CNOT2: variants seen among roughly 807,000 people sequenced by gnomAD.
The protein encoded by CNOT2 is CCR4-NOT transcription complex subunit 2, also known as CC chemokine receptor 4-negative regulator of transcription 2.
A neutral mutation model predicts 72.1 loss-of-function variants in CNOT2; 7 were observed. The ratio of observed to expected loss-of-function variants is 0.10; its 90% CI spans 0.06 to 0.18. The LOEUF (loss-of-function observed/expected upper bound fraction) is 0.18, where lower values mean the gene tolerates loss of function less well. Among genes scored for constraint, CNOT2 ranks in the 10% least tolerant of loss-of-function variants. The pLI is 1.00. For synonymous variants in CNOT2, 196 were observed against 225.6 expected, an observed-to-expected ratio of 0.87 and a Z score of 1.17; for missense variants, 345 against 660.3, an observed-to-expected ratio of 0.52 and a Z score of 5.23.
At chr12:70,278,545 T>C (rs1869258561) in intron 2 of CNOT2, 1 of 352,944 alleles carries the variant, frequency 2.8e-6, no homozygotes, top group South Asian at 5.5e-5. Context: ...ATACAAGTTA[T>C]GACTTCATGA....
At position 70,329,616 on chromosome 12, in the gene CNOT2, G is replaced by T. The variant is rs756710697; in HGVS notation, c.386+46G>T. ...ATATTTTTCAAAATGTATCTTGGTAGAGTAAACAAACTTTTAGTTTTTTAA... is the reference window on the plus strand; with the variant it reads ...ATATTTTTCAAAATGTATCTTGGTATAGTAAACAAACTTTTAGTTTTTTAA... On this transcript the variant is annotated intron_variant, in intron 5 of 15. Transcript: ENST00000229195. 11 of 1,424,962 alleles carry T rather than the reference G, an allele frequency of 7.7e-6. No individual in the cohort carries two copies. The African/African-American group carries it at 1.3e-4, about 16-fold the overall frequency. 88.3% of individuals were successfully genotyped at this position (1,424,962 alleles called of 1,614,324 possible).
At chr12:70,303,283 C>T (rs553846101) in intron 2 of CNOT2, among the ~76,000 whole-genome samples, 247 of 152,212 alleles carry the variant, frequency 1.6e-3, no homozygotes, top group African/African-American at 5.2e-3. Flanking sequence ...TGATTTTGCT[C>T]GTTAGTTGAT....
chr12:70,326,793 T>G (rs1380526814), intron 4 of CNOT2, among the ~76,000 whole-genome samples: 1 of 151,890 alleles, frequency 6.6e-6, no homozygotes, highest in African/African-American at 2.4e-5. Flanking sequence ...TTATACTACT[T>G]CAACAAAATT....
rs1869775507 is a variant in CNOT2, at chr12:70,281,174, T to A, written c.48+2900T>A. 2.7e-5 allele frequency among the ~76,000 whole-genome samples: 4 copies of A among 149,776 alleles called. No homozygotes were observed. The Admixed American group carries it at 2.7e-4, about 10-fold the overall frequency. ...TGGTGCGCTCACTGCAACCTCCGCC[T>A]CCTGGGTTCAAGCGATTCTCCTGCC... On this transcript the variant is annotated intron_variant, in intron 2 of 15. Coordinates refer to ENST00000229195, the MANE Select transcript of CNOT2 (RefSeq NM_014515.7).
At chr12:70,313,065 C>T (rs1042904072) in intron 3 of CNOT2, among the ~76,000 whole-genome samples, 4 of 151,970 alleles carry the variant, frequency 2.6e-5, no homozygotes, top group African/African-American at 9.7e-5. Context: ...AACAAGAATA[C>T]CAGCAATTAC....
chr12:70,309,514 T>A (rs945911053), intron 2 of CNOT2, among the ~76,000 whole-genome samples: 8 of 152,144 alleles, frequency 5.3e-5, no homozygotes, highest in African/African-American at 1.9e-4. Flanking sequence ...CTTCAAAGTC[T>A]GCAACATAGT....
At position 70,330,488 on chromosome 12, in the gene CNOT2, C is replaced by A. The variant is rs199779334; in HGVS notation, c.569+19C>A. 14 of 1,582,638 alleles carry A rather than the reference C, an allele frequency of 8.8e-6. No individual in the cohort carries two copies. The East Asian group carries it at 2.7e-4, about 30-fold the overall frequency. On this transcript the variant is annotated intron_variant, in intron 6 of 15. Coordinates refer to ENST00000229195, the MANE Select transcript of CNOT2 (RefSeq NM_014515.7). ...TGAACAGGTAAGATGTTTATTGATA[C>A]TGTGTATAATTGTCTTTCTGGGTAT...
chr12:70,266,019 A>T (rs201176563), intron 1 of CNOT2, among the ~76,000 whole-genome samples: 107 of 127,568 alleles, frequency 8.4e-4, no homozygotes, highest in African/African-American at 1.8e-3. Flanking sequence ...TTTTTTTTTT[A>T]AAAGAACTAA....
At chr12:70,260,829 T>C (rs1247683358) in intron 1 of CNOT2, among the ~76,000 whole-genome samples, 2 of 151,656 alleles carry the variant, frequency 1.3e-5, no homozygotes, top group African/African-American at 2.4e-5. Context: ...TTTCACTTCT[T>C]CTTTTCCAAT....
At chr12:70,276,551 T>G (rs965464051) in intron 1 of CNOT2, among the ~76,000 whole-genome samples, 1 of 151,988 alleles carries the variant, frequency 6.6e-6, no homozygotes, top group African/African-American at 2.4e-5. Flanking sequence ...AATCTTGCTT[T>G]CTTTTTGTGA....
At chr12:70,284,576 C>CTTT (rs34386691) in intron 2 of CNOT2, among the ~76,000 whole-genome samples, 360 of 94,996 alleles carry the variant, frequency 3.8e-3, no homozygotes, top group Non-Finnish European at 4.9e-3. Flanking sequence ...AAAATTTGAC[C>CTTT]TTTTTTTTTT....
In CNOT2 at chr12:70,335,388, T is replaced by C. The variant is rs781120437; in HGVS notation, c.650-50T>C. 3.6e-6 allele frequency: 5 copies of C among 1,399,594 alleles called. No homozygotes were observed. The East Asian group carries it at 9.1e-5, about 26-fold the overall frequency. The allele number at this position is 1,399,594 out of a possible 1,614,324, so 86.7% of individuals were successfully genotyped here. On this transcript the variant is annotated intron_variant, in intron 7 of 15. Coordinates refer to ENST00000229195, the MANE Select transcript of CNOT2 (RefSeq NM_014515.7). ...TATTATGGTTGGTTTTTATAATCTC[T>C]TAAAAAATATTTGTAGAATCAATAA...
chr12:70,319,388 G>T, intron 4 of CNOT2, 24 bp downstream of exon 4: 1 of 1,600,834 alleles, frequency 6.2e-7, no homozygotes, highest in Non-Finnish European at 8.5e-7. Context: ...ATTTATTCTG[G>T]GATACTTTAT....
At chr12:70,257,354 CT>C (rs34175539) in intron 1 of CNOT2, among the ~76,000 whole-genome samples, 6,382 of 128,538 alleles carry the variant, frequency 0.05, 155 homozygotes, top group East Asian at 0.23. Context: ...CAACTACCCC[CT>C]TTTTTTTTTT....
chr12:70,354,901 C>T lies in CNOT2; in HGVS notation c.*986C>T, dbSNP rs1241030650. 9 of 152,654 alleles carry T rather than the reference C, an allele frequency of 5.9e-5. No homozygotes were observed. Among genetic ancestry groups the T allele is most frequent in the Admixed American group, 1.3e-4 (2 of 15,280 alleles). 9.5% of individuals were successfully genotyped at this position (152,654 alleles called of 1,614,324 possible). A position where few individuals can be genotyped will look rare whatever the true frequency, so the allele number is the denominator to read the frequency against. On this transcript the variant is annotated 3_prime_UTR_variant, in exon 16 of 16. Transcript: ENST00000229195. ...TTCACTCTGGCTGTTTGAACAGCAG[C>T]GTTTCATAGGAAGAGAAAAAAAGAT... is the stretch of plus-strand genomic sequence containing the variant.
chr12:70,354,358 A>T lies in CNOT2; in HGVS notation c.*443A>T, dbSNP rs957020333. 1 of 155,678 alleles carries T rather than the reference A, an allele frequency of 6.4e-6. No homozygotes were observed. The highest frequency in any genetic ancestry group is 2.4e-5 in the African/African-American group (1 of 41,568). The allele number at this position is 155,678 out of a possible 1,614,324, so 9.6% of individuals were successfully genotyped here. On this transcript the variant is annotated 3_prime_UTR_variant, in exon 16 of 16. Coordinates refer to ENST00000229195, the MANE Select transcript of CNOT2 (RefSeq NM_014515.7). ...AATGTTTGTGCATTTTTATGTGAAGATCCTTCTCGTATTTCATTTGGAAAG... is the reference window on the plus strand; with the variant it reads ...AATGTTTGTGCATTTTTATGTGAAGTTCCTTCTCGTATTTCATTTGGAAAG...
Position 70,342,132 on chromosome 12 carries a change from C to A in CNOT2, c.1204C>A (p.Pro402Thr). 1 of 1,609,338 alleles carries A rather than the reference C, an allele frequency of 6.2e-7. No homozygotes were observed. Among genetic ancestry groups the A allele is most frequent in the Non-Finnish European group, 8.5e-7 (1 of 1,175,796 alleles). The change falls in exon 12 of 16, where the codon CCC (proline) becomes ACC (threonine). Residue 402 changes from proline (P) to threonine (T), a missense_variant. Coordinates refer to ENST00000229195, the MANE Select transcript of CNOT2 (RefSeq NM_014515.7). ...AAATCTCTACCCCAAATTTGCGTCA[C>A]CCTGGGCATCTTCACCTTGTCGACC... ...PENLYPKFASPWASSPCRPQD... is the reference protein window; with the variant it reads ...PENLYPKFASTWASSPCRPQD...
intron 1 of CNOT2, among the ~76,000 whole-genome samples, chr12:70,268,890 T>C (rs1373655132): frequency 1.3e-5 from 2 of 152,192 alleles, no homozygotes; most frequent in African/African-American, 4.8e-5. Context: ...ATGTCCGGTA[T>C]GCAAAAAGGA....
chr12:70,248,920 A>G (rs1452099206), intron 1 of CNOT2, among the ~76,000 whole-genome samples: 1 of 152,140 alleles, frequency 6.6e-6, no homozygotes, highest in Admixed American at 6.5e-5. Context: ...AGTTTTTACT[A>G]AAACTTAGTA....
Sources: gnomAD v4.1 joint callset for allele counts (sites outside exome capture counted in the v4.1 genomes callset) on GRCh38, gnomAD v4.1.1 for gene constraint, MANE v1.5 for transcripts, NCBI Gene and HGNC (gene_info 2026-07-23, HGNC 2026-07-21) for gene names.